The following VWF variants were observed in gnomAD, a reference collection of about 807,000 sequenced individuals.
VWF encodes Factor VIII related antigen.
Under a neutral mutation model 308.6 loss-of-function variants are expected in VWF, and 176 were observed. The observed-to-expected ratio is 0.57, with a 90% CI of 0.50 to 0.65. The LOEUF is 0.65. Ranked by LOEUF, VWF falls within the 30% of genes least tolerant of loss-of-function variation. The pLI, the probability that VWF is intolerant of heterozygous loss-of-function variation, is 0.00. For missense variants in VWF, 3,146 were observed against 3,648.2 expected, an observed-to-expected ratio of 0.86 and a Z score of 3.55; for synonymous variants, 1,385 against 1,443.4, an observed-to-expected ratio of 0.96 and a Z score of 0.92.
At position 6,024,482 on chromosome 12, in the gene VWF, C is replaced by T. The variant is rs2136419236; in HGVS notation, c.3223-695G>A. Among the ~76,000 whole-genome samples, 1 of 152,344 alleles carries T rather than the reference C, an allele frequency of 6.6e-6. No homozygotes were observed. The highest frequency in any genetic ancestry group is 1.9e-4 in the East Asian group (1 of 5,182). ...TGTCCTCACTCTTCCAACTCAGATG[C>T]CCAGGATTTCCACCAAACCAGGGAA... On this transcript the variant is annotated intron_variant, in intron 24 of 51. Coordinates refer to ENST00000261405, the MANE Select transcript of VWF (RefSeq NM_000552.5). The surrounding 1 kb of genome is among the most constrained non-coding windows in gnomAD (Gnocchi z 4.0).
At chr12:6,109,944 C>T (rs1281924603) in intron 5 of VWF, among the ~76,000 whole-genome samples, 13 of 152,226 alleles carry the variant, frequency 8.5e-5, no homozygotes, top group African/African-American at 3.1e-4. Flanking sequence ...GCCACTGCGC[C>T]CAGCCTAGTG....
rs1944000200 is a variant in VWF, at chr12:6,011,945, T to G, written c.5664+142A>C. Reference sequence around the variant, plus strand: ...ATGAGACAGGAAGCAAAACACAAGATGTACAGATGGACCCGCAAAAACAAG... The same window carrying G: ...ATGAGACAGGAAGCAAAACACAAGAGGTACAGATGGACCCGCAAAAACAAG... On this transcript the variant is annotated intron_variant, in intron 33 of 51. Transcript: ENST00000261405. 2.4e-6 allele frequency: 3 copies of G among 1,275,212 alleles called. No homozygotes were observed. The East Asian group carries it at 7.0e-5, about 30-fold the overall frequency. 79.0% of individuals were successfully genotyped at this position (1,275,212 alleles called of 1,614,324 possible). A position where few individuals can be genotyped will look rare whatever the true frequency, so the allele number is the denominator to read the frequency against.
chr12:6,076,436 G>A (rs559311566), intron 6 of VWF, among the ~76,000 whole-genome samples: 1 of 152,170 alleles, frequency 6.6e-6, no homozygotes, highest in South Asian at 2.1e-4. Context: ...GTTTCTGAGC[G>A]ATACACAGAA....
At chr12:6,057,510 A>G (rs1944597411) in intron 14 of VWF, among the ~76,000 whole-genome samples, 1 of 144,408 alleles carries the variant, frequency 6.9e-6, no homozygotes, top group African/African-American at 2.5e-5. Flanking sequence ...TATTATTATT[A>G]TTATTATTAT....
In VWF at chr12:6,079,565, G is replaced by T. The variant is rs577962484; in HGVS notation, c.658-4014C>A. Among the ~76,000 whole-genome samples the T allele has an allele frequency of 4.0e-5, 6 of 151,258 alleles. No individual in the cohort carries two copies. The East Asian group carries it at 1.2e-3, about 29-fold the overall frequency. ...GCAACGCTTGCAGTGAGCTGAGATCGCACCACTGCACTCTAGCCTGGGCGA... is the reference window on the plus strand; with the variant it reads ...GCAACGCTTGCAGTGAGCTGAGATCTCACCACTGCACTCTAGCCTGGGCGA... On this transcript the variant is annotated intron_variant, in intron 6 of 51. Coordinates refer to ENST00000261405, the MANE Select transcript of VWF (RefSeq NM_000552.5).
chr12:5,966,892 A>G (rs760106508), intron 47 of VWF, among the ~76,000 whole-genome samples: 5 of 152,240 alleles, frequency 3.3e-5, no homozygotes, highest in Non-Finnish European at 7.3e-5. Context: ...GGTGTTACTA[A>G]AAGTCACAGC....
Position 6,019,711 on chromosome 12 carries a change from G to A in VWF, c.3707C>T (p.Ala1236Val), listed in dbSNP as rs756371665. ...HCDVVNLTCE[A>V]CQEPGGLVVP... ...CACCAGGCCTCCCGGCTCCTGGCAG[G>A]CTTCACAGGTGAGGTTGACAACATC... The change falls in exon 28 of 52, where the codon GCC (alanine) becomes GTC (valine). Residue 1236 changes from alanine (A) to valine (V), a missense_variant. By Grantham distance (64) the Ala-to-Val change is moderately conservative. Around this residue, in one of 3 missense-constraint regions of VWF, gnomAD observed 853 missense variants for 1,177.8 expected, o/e 0.72. Transcript: ENST00000261405. This position sits in a 1 kb window ranked among gnomAD's most constrained non-coding sequence, Gnocchi z 5.8. 5.0e-6 allele frequency: 8 copies of A among 1,613,620 alleles called. No individual in the cohort carries two copies. The Admixed American group carries it at 1.3e-4, about 27-fold the overall frequency.
chr12:6,006,254 C>T (rs1015972632), intron 34 of VWF, among the ~76,000 whole-genome samples: 3 of 151,772 alleles, frequency 2.0e-5, no homozygotes, highest in Non-Finnish European at 2.9e-5. Context: ...ATAGAAGATA[C>T]ACAAAAGGAA....
intron 9 of VWF, 136 bp from the exon 10 acceptor site, chr12:6,071,479 A>G (rs373535231): frequency 2.5e-5 from 24 of 962,784 alleles, no homozygotes; most frequent in African/African-American, 1.6e-4. Context: ...GTGCTAGCAG[A>G]ATCTTCATAG....
chr12:5,979,710 A>G (rs1366454564), intron 42 of VWF, among the ~76,000 whole-genome samples: 1 of 149,142 alleles, frequency 6.7e-6, no homozygotes, highest in Admixed American at 6.8e-5. Context: ...AGATCGTGCC[A>G]CTGCACTCCA....
At chr12:5,964,829 G>A (rs964795175) in intron 47 of VWF, among the ~76,000 whole-genome samples, 11 of 152,196 alleles carry the variant, frequency 7.2e-5, no homozygotes, top group African/African-American at 1.2e-4. Flanking sequence ...GCAGTTATGC[G>A]AGAAGAAAGA....
At chr12:6,103,251 C>A (rs1945187555) in intron 5 of VWF, among the ~76,000 whole-genome samples, 1 of 151,886 alleles carries the variant, frequency 6.6e-6, no homozygotes, top group Non-Finnish European at 1.5e-5. Flanking sequence ...TGGCATGAAC[C>A]CAGGAGGCGG....
intron 34 of VWF, among the ~76,000 whole-genome samples, chr12:5,997,315 T>G (rs964051530): frequency 2.0e-5 from 3 of 152,228 alleles, no homozygotes; most frequent in Non-Finnish European, 2.9e-5. Context: ...CTGTTGATAT[T>G]GTCACGTCAA....
At chr12:5,964,867 A>G (rs1358371810) in intron 47 of VWF, among the ~76,000 whole-genome samples, 1 of 152,208 alleles carries the variant, frequency 6.6e-6, no homozygotes, top group Admixed American at 6.5e-5. Flanking sequence ...AGGAGGCAGA[A>G]AATAAGCCGA....
chr12:6,003,934 G>A (rs1324084450), intron 34 of VWF, among the ~76,000 whole-genome samples: 3 of 149,924 alleles, frequency 2.0e-5, no homozygotes, highest in African/African-American at 4.9e-5. Flanking sequence ...TCCTGCCTCA[G>A]CCTCCCGAGT....
At chr12:6,066,733 G>T (rs936838338) in intron 10 of VWF, among the ~76,000 whole-genome samples, 1 of 152,250 alleles carries the variant, frequency 6.6e-6, no homozygotes, top group African/African-American at 2.4e-5. Context: ...CAGCCAAGGG[G>T]TCCCCAAAAG....
intron 47 of VWF, among the ~76,000 whole-genome samples, chr12:5,967,268 A>G (rs1049791638): frequency 1.3e-5 from 2 of 152,262 alleles, no homozygotes; most frequent in Admixed American, 6.5e-5. Context: ...AAACTCAGGA[A>G]GAAAATGTTT....
rs1944114728 is a variant in VWF at position 6,020,190 on chromosome 12, T to C, written c.3675-447A>G. ...GTGTTTGTACATGTTCTGTTGAAGA[T>C]AAATGCTTTACAGTACATATTCTAA... is the stretch of plus-strand genomic sequence containing the variant. On this transcript the variant is annotated intron_variant, in intron 27 of 51. Coordinates refer to ENST00000261405, the MANE Select transcript of VWF (RefSeq NM_000552.5). The surrounding 1 kb of genome is among the most constrained non-coding windows in gnomAD (Gnocchi z 4.3). Among the ~76,000 whole-genome samples the C allele has an allele frequency of 6.6e-6, 1 of 152,254 alleles. No individual in the cohort carries two copies. The highest frequency in any genetic ancestry group is 1.5e-5 in the Non-Finnish European group (1 of 68,046).
At position 6,016,871 on chromosome 12, in the gene VWF, C is replaced by G; in HGVS notation, c.5054-1G>C. 1 of 1,613,862 alleles carries G rather than the reference C, an allele frequency of 6.2e-7. No individual in the cohort carries two copies. On this transcript the variant is annotated splice_acceptor_variant, in intron 28 of 51. Coordinates refer to ENST00000261405, the MANE Select transcript of VWF (RefSeq NM_000552.5). LOFTEE classifies it high-confidence loss of function. The stretch of plus-strand genomic sequence containing the variant: ...ATCACGTCCAGGGGCTGGCTGCAGT[C>G]TGCAAAGACAACCAGGAAGGTGAGC...
Sources: gnomAD v4.1 joint callset for allele counts (sites outside exome capture counted in the v4.1 genomes callset) on GRCh38, gnomAD v4.1.1 for gene constraint, gnomAD v4.1.1 regional missense constraint, Gnocchi (gnomAD v3.1) non-coding constraint, MANE v1.5 for transcripts, NCBI Gene and HGNC (gene_info 2026-07-23, HGNC 2026-07-21) for gene names.